The following GRM7 variants were observed in gnomAD, a reference collection of about 807,000 sequenced individuals.
GRM7 encodes glutamate metabotropic receptor 7.
GRM7 carries 35 observed loss-of-function variants against 84.5 expected under a neutral mutation model. That is an observed-to-expected ratio of 0.41 (90% CI 0.32 to 0.55). The LOEUF (loss-of-function observed/expected upper bound fraction) is 0.55. Ranked by LOEUF, GRM7 falls within the 20% of genes least tolerant of loss-of-function variation. GRM7 has a pLI of 0.19. For synonymous variants in GRM7, 487 were observed against 455.1 expected (o/e 1.07, Z -0.89); for missense variants, 1,003 against 1,194.6 (o/e 0.84, Z 2.36).
intron 4 of GRM7, among the ~76,000 whole-genome samples, chr3:7,404,629 C>A (rs1198378991): frequency 6.6e-6 from 1 of 152,040 alleles, no homozygotes; most frequent in African/African-American, 2.4e-5. Context: ...GCAGCAGGAG[C>A]ACAATACCAA....
At chr3:7,462,589 T>C (rs1016090109) in intron 7 of GRM7, among the ~76,000 whole-genome samples, 3 of 152,246 alleles carry the variant, frequency 2.0e-5, no homozygotes, top group Non-Finnish European at 4.4e-5. Context: ...TTTGGAATTA[T>C]TGAGAACAAG....
chr3:7,368,383 A>G (rs909247154), intron 4 of GRM7, among the ~76,000 whole-genome samples: 42 of 152,276 alleles, frequency 2.8e-4, no homozygotes, highest in African/African-American at 9.9e-4. Flanking sequence ...ATTTTTTATT[A>G]TAAGTGTTTT....
chr3:7,077,580 G>C (rs1302298511), intron 1 of GRM7, among the ~76,000 whole-genome samples: 1 of 151,148 alleles, frequency 6.6e-6, no homozygotes, highest in Admixed American at 6.6e-5. Context: ...CGGGGGGTGG[G>C]GGGCTAGGGG....
chr3:7,478,079 G>C (rs753277084), intron 7 of GRM7, among the ~76,000 whole-genome samples: 1 of 151,838 alleles, frequency 6.6e-6, no homozygotes, highest in South Asian at 2.1e-4. Context: ...CTATCTCCCA[G>C]CTTGAAACAT....
chr3:7,275,807 A>G (rs938842358), intron 2 of GRM7, among the ~76,000 whole-genome samples: 13 of 152,104 alleles, frequency 8.5e-5, no homozygotes, highest in African/African-American at 3.1e-4. Flanking sequence ...TAAGAACCAA[A>G]CAGAGCTCCA....
intron 9 of GRM7, among the ~76,000 whole-genome samples, chr3:7,682,707 CA>C (rs1246511636): frequency 6.6e-6 from 1 of 152,074 alleles, no homozygotes; most frequent in Non-Finnish European, 1.5e-5. Context: ...TGTTAACTTT[CA>C]AAAAACATTA....
intron 8 of GRM7, among the ~76,000 whole-genome samples, chr3:7,624,872 T>C (rs1256612179): frequency 6.6e-6 from 1 of 152,128 alleles, no homozygotes; most frequent in Non-Finnish European, 1.5e-5. Flanking sequence ...AAAGCAAAGC[T>C]TTAGAAAGAG....
intron 1 of GRM7, among the ~76,000 whole-genome samples, chr3:7,006,869 A>AT (rs1232419777): frequency 6.6e-6 from 1 of 152,228 alleles, no homozygotes; most frequent in Non-Finnish European, 1.5e-5. Flanking sequence ...AAATATAGGG[A>AT]TAAAAAAGGT....
intron 2 of GRM7, among the ~76,000 whole-genome samples, chr3:7,293,498 C>A (rs1006918817): frequency 1.3e-5 from 2 of 152,208 alleles, no homozygotes; most frequent in Non-Finnish European, 2.9e-5. Context: ...GTTGTCCTAT[C>A]TGTCATGGCT....
chr3:7,408,144 T>A (rs1695761788), intron 4 of GRM7, among the ~76,000 whole-genome samples: 1 of 152,210 alleles, frequency 6.6e-6, no homozygotes, highest in Non-Finnish European at 1.5e-5. Flanking sequence ...AATTCTAGTT[T>A]CAGAGTCTGC....
intron 4 of GRM7, among the ~76,000 whole-genome samples, chr3:7,377,959 G>C (rs1215853955): frequency 6.6e-6 from 1 of 152,126 alleles, no homozygotes; most frequent in Non-Finnish European, 1.5e-5. Flanking sequence ...TCAGTCACAT[G>C]GAACTTCTGT....
chr3:7,600,681 C>T (rs776772989), intron 8 of GRM7, among the ~76,000 whole-genome samples: 4 of 152,064 alleles, frequency 2.6e-5, no homozygotes, highest in Non-Finnish European at 5.9e-5. Flanking sequence ...TTTAAATTAC[C>T]TGTTAAAATG....
chr3:7,315,108 C>T (rs916389924), intron 4 of GRM7, among the ~76,000 whole-genome samples: 6 of 151,798 alleles, frequency 4.0e-5, no homozygotes, highest in Admixed American at 3.3e-4. Context: ...AACAAAACAA[C>T]AACAAAAACA....
chr3:7,310,435 G>T (rs1267761089), intron 4 of GRM7, among the ~76,000 whole-genome samples: 1 of 152,146 alleles, frequency 6.6e-6, no homozygotes, highest in Non-Finnish European at 1.5e-5. Flanking sequence ...AAAGAACAAA[G>T]CTGTGAAGAT....
At chr3:7,017,169 A>G (rs1197241314) in intron 1 of GRM7, among the ~76,000 whole-genome samples, 4 of 152,190 alleles carry the variant, frequency 2.6e-5, no homozygotes, top group African/African-American at 4.8e-5. Flanking sequence ...ACCATGTGAA[A>G]GCTATGCACA....
chr3:7,134,821 A>T (rs2324086), intron 1 of GRM7, among the ~76,000 whole-genome samples: 50,219 of 152,072 alleles, frequency 0.33, 9,263 homozygotes, highest in African/African-American at 0.5. Context: ...TTGCAAAAAT[A>T]CATGAGATTA....
chr3:6,906,534 C>G (rs1559321022), intron 1 of GRM7, among the ~76,000 whole-genome samples: 1 of 152,090 alleles, frequency 6.6e-6, no homozygotes, highest in Non-Finnish European at 1.5e-5. Flanking sequence ...CTCCAATTCT[C>G]TCTTTCCAGA....
At chr3:7,679,711 A>G (rs1700284490) in intron 8 of GRM7, among the ~76,000 whole-genome samples, 1 of 152,226 alleles carries the variant, frequency 6.6e-6, no homozygotes, top group South Asian at 2.1e-4. Context: ...ACCTTAATCA[A>G]GATTACAGAT....
chr3:7,609,454 G>T (rs541832070), intron 8 of GRM7, among the ~76,000 whole-genome samples: 8 of 152,088 alleles, frequency 5.3e-5, no homozygotes, highest in Middle Eastern at 3.2e-3. Context: ...CGATATTCTT[G>T]AACAGGGCAG....
Sources: allele counts gnomAD v4.1 joint callset (sites outside exome capture counted in the v4.1 genomes callset), GRCh38; gene constraint gnomAD v4.1.1; transcripts MANE v1.5; gene names NCBI Gene and HGNC (gene_info 2026-07-23, HGNC 2026-07-21).